CNTN3: variants seen among roughly 807,000 people sequenced by gnomAD.
CNTN3 encodes contactin 3, also known as contactin-3.
In CNTN3, 60 loss-of-function variants were observed where a neutral mutation model predicts 119.1. The observed-to-expected ratio is 0.50, with a 90% CI of 0.41 to 0.62. The LOEUF is 0.62. Among genes scored for constraint, CNTN3 ranks in the 20% least tolerant of loss-of-function variants. The pLI, the probability that CNTN3 is intolerant of heterozygous loss-of-function variation, is 0.00. For synonymous variants in CNTN3, 450 were observed against 438.7 expected, an observed-to-expected ratio of 1.03 and a Z score of -0.32; for missense variants, 1,101 against 1,242.4, an observed-to-expected ratio of 0.89 and a Z score of 1.71.
intron 3 of CNTN3, among the ~76,000 whole-genome samples, chr3:74,491,508 A>G (rs753474545): frequency 2.0e-5 from 3 of 152,150 alleles, no homozygotes; most frequent in Admixed American, 6.6e-5. Flanking sequence ...TCAAAAAACA[A>G]AAAACAAAAA....
chr3:74,313,550 T>C (rs1702754116), intron 13 of CNTN3, among the ~76,000 whole-genome samples: 1 of 152,178 alleles, frequency 6.6e-6, no homozygotes, highest in South Asian at 2.1e-4. Flanking sequence ...TAGAAATCAC[T>C]GACATGAGGC....
rs148738788 is a variant in CNTN3 at position 74,423,735 on chromosome 3, G to A, written c.454+1110C>T. Among the ~76,000 whole-genome samples the A allele has an allele frequency of 3.3e-5, 5 of 152,286 alleles. No individual in the cohort carries two copies. The East Asian group carries it at 9.7e-4, about 29-fold the overall frequency. ...GATTCCAGCAATTATGAACACCCTT[G>A]AAATAAACTGGAGAACACAATTTAA... is the stretch of plus-strand genomic sequence containing the variant. On this transcript the variant is annotated intron_variant, in intron 5 of 22. Transcript: ENST00000263665.
At chr3:74,273,025 A>G (rs1475275269) in intron 20 of CNTN3, among the ~76,000 whole-genome samples, 1 of 152,176 alleles carries the variant, frequency 6.6e-6, no homozygotes, top group Non-Finnish European at 1.5e-5. Context: ...TTAATAGAAA[A>G]GGTTGGAAAA....
At position 74,452,465 on chromosome 3, in the gene CNTN3, G is replaced by C. The variant is rs1472980469; in HGVS notation, c.359-27525C>G. On this transcript the variant is annotated intron_variant, in intron 4 of 22. Transcript: ENST00000263665. ...ATACAATCATGTCATCTGCAAACAG[G>C]GACAATTTGACTTCCTCTTTTCCTA... Among the ~76,000 whole-genome samples, 204 of 148,062 alleles carry C rather than the reference G, an allele frequency of 1.4e-3. 2 individuals are homozygous for C. The highest frequency in any genetic ancestry group is 5.0e-3 in the African/African-American group (196 of 39,450).
At chr3:74,487,749 G>A (rs1451020205) in intron 3 of CNTN3, among the ~76,000 whole-genome samples, 2 of 151,974 alleles carry the variant, frequency 1.3e-5, no homozygotes, top group East Asian at 3.9e-4. Flanking sequence ...GAGATGAAAT[G>A]TGAACATCAT....
intron 1 of CNTN3, among the ~76,000 whole-genome samples, chr3:74,527,742 A>G (rs1703639710): frequency 6.6e-6 from 1 of 151,904 alleles, no homozygotes. Flanking sequence ...AACTTGGCCA[A>G]TTCCACGTCA....
chr3:74,392,403 C>T (rs1704935382), intron 5 of CNTN3, among the ~76,000 whole-genome samples: 1 of 152,164 alleles, frequency 6.6e-6, no homozygotes, highest in Non-Finnish European at 1.5e-5. Context: ...TCCCTTCCAC[C>T]CTGCTTCTTC....
At position 74,262,959 on chromosome 3, in the gene CNTN3, T is replaced by G. The variant is rs752052556; in HGVS notation, c.*1442A>C. On this transcript the variant is annotated 3_prime_UTR_variant, in exon 23 of 23. Transcript: ENST00000263665. ...TTGTGTATGATGACTTTATCTTAAATGTAATCTCTAAATGTAAAATAGTGC... is the reference window on the plus strand; with the variant it reads ...TTGTGTATGATGACTTTATCTTAAAGGTAATCTCTAAATGTAAAATAGTGC... 3 of 152,104 alleles carry G rather than the reference T, an allele frequency of 2.0e-5. No homozygotes were observed. Among genetic ancestry groups the G allele is most frequent in the Admixed American group, 6.6e-5 (1 of 15,240 alleles). 9.4% of individuals were successfully genotyped at this position (152,104 alleles called of 1,614,324 possible).
At chr3:74,460,827 T>TA in intron 4 of CNTN3, among the ~76,000 whole-genome samples, 1 of 136,356 alleles carries the variant, frequency 7.3e-6, no homozygotes, top group Non-Finnish European at 1.6e-5. Flanking sequence ...ATGCCTTTCA[T>TA]TTCTTTCTTT....
At chr3:74,460,100 T>C (rs1316600052) in intron 4 of CNTN3, among the ~76,000 whole-genome samples, 1 of 152,038 alleles carries the variant, frequency 6.6e-6, no homozygotes, top group Non-Finnish European at 1.5e-5. Flanking sequence ...TCAGATTCTC[T>C]ATTTTGTTCC....
intron 1 of CNTN3, among the ~76,000 whole-genome samples, chr3:74,587,716 G>A (rs1704619407): frequency 6.6e-6 from 1 of 152,108 alleles, no homozygotes; most frequent in Non-Finnish European, 1.5e-5. Context: ...GGGTTTTCTA[G>A]ATATAGAATC....
intron 4 of CNTN3, among the ~76,000 whole-genome samples, chr3:74,440,415 A>G (rs1559602535): frequency 6.6e-6 from 1 of 151,928 alleles, no homozygotes; most frequent in Admixed American, 6.6e-5. Context: ...CCTACCTTGC[A>G]TAGTTGATTT....
intron 1 of CNTN3, among the ~76,000 whole-genome samples, chr3:74,551,901 T>A (rs1334283221): frequency 6.6e-6 from 1 of 151,520 alleles, no homozygotes; most frequent in African/African-American, 2.4e-5. Flanking sequence ...GTAGCTGGGA[T>A]TACAGGCACA....
chr3:74,424,144 G>A (rs939713953), intron 5 of CNTN3, among the ~76,000 whole-genome samples: 1 of 151,996 alleles, frequency 6.6e-6, no homozygotes, highest in Admixed American at 6.6e-5. Flanking sequence ...CTTTGTTCCT[G>A]CAAGTGGCCA....
chr3:74,500,508 C>A (rs200182633), intron 2 of CNTN3, among the ~76,000 whole-genome samples: 51 of 140,844 alleles, frequency 3.6e-4, no homozygotes, highest in Non-Finnish European at 3.5e-4. Context: ...CAAATTCGCC[C>A]AAAAAAAAAA....
At chr3:74,343,427 T>TA (rs888238410) in intron 11 of CNTN3, among the ~76,000 whole-genome samples, 17 of 152,242 alleles carry the variant, frequency 1.1e-4, no homozygotes, top group African/African-American at 4.1e-4. Flanking sequence ...ATCCAAATGT[T>TA]ACTCCAGTGA....
chr3:74,521,005 T>C (rs970520799), intron 2 of CNTN3, 53 bp downstream of exon 2: 15 of 1,023,728 alleles, frequency 1.5e-5, no homozygotes, highest in Admixed American at 7.1e-5. Flanking sequence ...TGTAAGCATA[T>C]GACTCGAGTA....
chr3:74,349,315 AATAT>A lies in CNTN3; in HGVS notation c.1364+12571_1364+12574del, dbSNP rs1423764873. Reference sequence around the variant, plus strand: ...TACACTGTGTTAAATGATACTACTGAATATATAAAGAAACCAAAGTGGTAAAACA... The same window carrying A: ...TACACTGTGTTAAATGATACTACTGAATAAAGAAACCAAAGTGGTAAAACA... On this transcript the variant is annotated intron_variant, in intron 11 of 22. Transcript: ENST00000263665. 1.9e-4 allele frequency among the ~76,000 whole-genome samples: 29 copies of A among 152,296 alleles called. 1 individual carries two copies. Among genetic ancestry groups the A allele is most frequent in the African/African-American group, 7.0e-4 (29 of 41,564 alleles).
intron 1 of CNTN3, among the ~76,000 whole-genome samples, chr3:74,595,019 G>C (rs1487885897): frequency 1.3e-5 from 2 of 152,052 alleles, no homozygotes; most frequent in Non-Finnish European, 2.9e-5. Flanking sequence ...TCTCATTGTG[G>C]TTTTGATTTG....
Sources: allele counts gnomAD v4.1 joint callset (sites outside exome capture counted in the v4.1 genomes callset), GRCh38; gene constraint gnomAD v4.1.1; transcripts MANE v1.5; gene names NCBI Gene and HGNC (gene_info 2026-07-23, HGNC 2026-07-21).